Variants in PDE4D observed in about 807,000 individuals in gnomAD.
PDE4D encodes phosphodiesterase 4D.
Under a neutral mutation model 87.4 loss-of-function variants are expected in PDE4D, and 24 were observed. The observed-to-expected ratio is 0.27, with a 90% CI of 0.20 to 0.39. The LOEUF (loss-of-function observed/expected upper bound fraction) is 0.39. Ranked by LOEUF, PDE4D falls within the 10% of genes least tolerant of loss-of-function variation. PDE4D has a pLI of 1.00. For synonymous variants in PDE4D, 384 were observed against 383.2 expected (o/e 1.00, Z -0.02); for missense variants, 714 against 1,041.0 (o/e 0.69, Z 4.32).
At chr5:59,079,861 A>T (rs1052430374) in intron 5 of PDE4D, among the ~76,000 whole-genome samples, 18 of 133,744 alleles carry the variant, frequency 1.3e-4, no homozygotes, top group African/African-American at 4.8e-4. Context: ...AGAGGAGAGG[A>T]GAGGAGAGGA....
At chr5:59,544,937 T>C (rs1184529842) in intron 1 of PDE4D, among the ~76,000 whole-genome samples, 7 of 152,178 alleles carry the variant, frequency 4.6e-5, no homozygotes, top group Admixed American at 1.3e-4. Flanking sequence ...ACTCACTACA[T>C]CTCACTCAAA....
At chr5:60,351,093 T>C (rs1287114290) in intron 1 of PDE4D, among the ~76,000 whole-genome samples, 1 of 152,120 alleles carries the variant, frequency 6.6e-6, no homozygotes, top group Non-Finnish European at 1.5e-5. Flanking sequence ...TGAAAACCAG[T>C]TTAGTTTCCT....
At chr5:59,460,404 A>G (rs1440220200) in intron 1 of PDE4D, among the ~76,000 whole-genome samples, 1 of 152,198 alleles carries the variant, frequency 6.6e-6, no homozygotes, top group Admixed American at 6.5e-5. Flanking sequence ...GCATTGCAGA[A>G]ACCAACTGTG....
At chr5:59,433,378 G>T (rs1796379537) in intron 1 of PDE4D, among the ~76,000 whole-genome samples, 1 of 152,004 alleles carries the variant, frequency 6.6e-6, no homozygotes, top group Non-Finnish European at 1.5e-5. Context: ...CTTAAATTTG[G>T]ATGAGAGAGG....
intron 1 of PDE4D, among the ~76,000 whole-genome samples, chr5:59,494,167 G>A (rs895966997): frequency 1.3e-5 from 2 of 152,182 alleles, no homozygotes; most frequent in Non-Finnish European, 2.9e-5. Context: ...TACCTGGTGA[G>A]TTCAGACCAC....
chr5:60,018,414 T>C (rs138044724), intron 2 of PDE4D, among the ~76,000 whole-genome samples: 4 of 152,214 alleles, frequency 2.6e-5, no homozygotes, highest in African/African-American at 7.2e-5. Context: ...AAGGACACTA[T>C]ATAGCAACTG....
At position 59,893,604 on chromosome 5, in the gene PDE4D, T is replaced by C; in HGVS notation, c.19A>G (p.Ser7Gly). 1 of 1,514,050 alleles carries C rather than the reference T, an allele frequency of 6.6e-7. No homozygotes were observed. Among genetic ancestry groups the C allele is most frequent in the Admixed American group, 2.1e-5 (1 of 47,836 alleles). The allele number at this position is 1,514,050 out of a possible 1,614,324, so 93.8% of individuals were successfully genotyped here. ...CCGCTGCCCGCCCGGGCCGGCGCGC[T>C]GCTGCCCTCTGCCTCCATCCTGGCT... Reference protein sequence around the residue: MEAEGSSAPARAGSGEG... With the variant: MEAEGSGAPARAGSGEG... Residue 7 changes from serine (S) to glycine (G), a missense_variant, in exon 1 of 15, where the codon AGC (serine) becomes GGC (glycine). Ser to Gly is a moderately conservative substitution (Grantham distance 56). This residue lies in a region of PDE4D where 268 missense variants were observed against 272.9 expected (regional missense o/e 0.98). Transcript: ENST00000340635.
chr5:58,980,194 C>T (rs1744776045), intron 11 of PDE4D, among the ~76,000 whole-genome samples: 1 of 152,096 alleles, frequency 6.6e-6, no homozygotes, highest in Non-Finnish European at 1.5e-5. Flanking sequence ...GAAAATGTCC[C>T]TTGGGGACAT....
chr5:59,488,871 G>A lies in PDE4D; in HGVS notation c.456-272903C>T, dbSNP rs1026128561. Among the ~76,000 whole-genome samples the A allele has an allele frequency of 6.6e-5, 10 of 152,194 alleles. No individual in the cohort carries two copies. The South Asian group carries it at 8.3e-4, about 13-fold the overall frequency. On this transcript the variant is annotated intron_variant, in intron 1 of 14. Transcript: ENST00000340635. ...TAGGGAGAGTGGGAGCAAGGCAGAC[G>A]CATAAAACATCTGTGCTTTCCAACT... is the stretch of plus-strand genomic sequence containing the variant.
intron 5 of PDE4D, among the ~76,000 whole-genome samples, chr5:59,110,106 A>T (rs1287385075): frequency 6.6e-6 from 1 of 152,198 alleles, no homozygotes; most frequent in East Asian, 1.9e-4. Context: ...GTTATGTACT[A>T]TTTAGCATTC....
chr5:60,090,315 T>C (rs1344299936), intron 2 of PDE4D, among the ~76,000 whole-genome samples: 1 of 152,026 alleles, frequency 6.6e-6, no homozygotes, highest in Non-Finnish European at 1.5e-5. Flanking sequence ...CAACAAAACA[T>C]TAAAAATATT....
intron 1 of PDE4D, among the ~76,000 whole-genome samples, chr5:59,569,981 T>C (rs57503132): frequency 0.011 from 1,651 of 152,336 alleles, 29 homozygotes; most frequent in African/African-American, 0.038. Context: ...TTCCATATTT[T>C]ACCTTCAAAA....
chr5:60,302,072 T>C (rs887037694), intron 1 of PDE4D, among the ~76,000 whole-genome samples: 3 of 152,250 alleles, frequency 2.0e-5, no homozygotes, highest in Non-Finnish European at 4.4e-5. Flanking sequence ...GGATTTGTTT[T>C]GTCAGTATTT....
chr5:59,081,820 T>C (rs1231424881), intron 5 of PDE4D, among the ~76,000 whole-genome samples: 1 of 152,202 alleles, frequency 6.6e-6, no homozygotes, highest in Non-Finnish European at 1.5e-5. Flanking sequence ...GGTTTGGCCA[T>C]GCCCTAACCA....
chr5:60,389,172 T>C (rs1184406072), intron 1 of PDE4D, among the ~76,000 whole-genome samples: 5 of 152,198 alleles, frequency 3.3e-5, no homozygotes, highest in African/African-American at 7.2e-5. Flanking sequence ...GAAAGTCCAG[T>C]GTCTTCTCCC....
intron 1 of PDE4D, among the ~76,000 whole-genome samples, chr5:59,255,643 T>C (rs1760832251): frequency 3.9e-5 from 6 of 152,132 alleles, no homozygotes; most frequent in Admixed American, 2.6e-4. Context: ...AGCTTCTCTA[T>C]GTATTGACAC....
chr5:59,529,008 T>C (rs1813672428), intron 1 of PDE4D: 1 of 467,486 alleles, frequency 2.1e-6, no homozygotes, highest in African/African-American at 2.0e-5. Context: ...AGTACCTGCT[T>C]CAGTACAACA....
At chr5:59,920,824 C>T (rs1401937435) in intron 3 of PDE4D, among the ~76,000 whole-genome samples, 3 of 135,082 alleles carry the variant, frequency 2.2e-5, no homozygotes, top group Non-Finnish European at 4.5e-5. Context: ...AACACTTGGA[C>T]ACAGGAAGGG....
chr5:60,415,881 A>G (rs1450500469), intron 1 of PDE4D, among the ~76,000 whole-genome samples: 1 of 152,192 alleles, frequency 6.6e-6, no homozygotes, highest in East Asian at 1.9e-4. Flanking sequence ...TGGGCTCCTG[A>G]GTCTGGTGGG....
Sources: allele counts gnomAD v4.1 joint callset (sites outside exome capture counted in the v4.1 genomes callset), GRCh38; gene constraint gnomAD v4.1.1; regional missense constraint gnomAD v4.1.1; transcripts MANE v1.5; gene names NCBI Gene and HGNC (gene_info 2026-07-23, HGNC 2026-07-21).